The following PCDH9 variants were observed in gnomAD, a reference collection of about 807,000 sequenced individuals.
PCDH9 encodes protocadherin 9.
A neutral mutation model predicts 70.6 loss-of-function variants in PCDH9; 24 were observed. That is an observed-to-expected ratio of 0.34 (90% CI 0.25 to 0.48). The LOEUF is 0.48. Among genes scored for constraint, PCDH9 ranks in the 20% least tolerant of loss-of-function variants. PCDH9 has a pLI of 0.99. For synonymous variants in PCDH9, 562 were observed against 558.5 expected (o/e 1.01, Z -0.09); for missense variants, 1,281 against 1,503.6 (o/e 0.85, Z 2.45).
At chr13:67,215,027 G>T (rs1387389633) in intron 2 of PCDH9, 1 of 140,938 alleles carries the variant, frequency 7.1e-6, no homozygotes, top group Non-Finnish European at 1.5e-5. Flanking sequence ...CACCCATTTT[G>T]CAGACAAGGA....
chr13:66,726,305 A>G (rs79906420), intron 3 of PCDH9, among the ~76,000 whole-genome samples: 2,575 of 152,292 alleles, frequency 0.017, 79 homozygotes, highest in African/African-American at 0.059. Flanking sequence ...AGGAAGCAGC[A>G]TTGAAGACAA....
chr13:66,713,985 G>A (rs973072463), intron 3 of PCDH9, among the ~76,000 whole-genome samples: 1 of 151,864 alleles, frequency 6.6e-6, no homozygotes, highest in East Asian at 1.9e-4. Flanking sequence ...GTGAGTGATT[G>A]GCAAATTGGT....
intron 4 of PCDH9, among the ~76,000 whole-genome samples, chr13:66,389,104 T>C (rs1043186873): frequency 2.0e-5 from 3 of 152,178 alleles, no homozygotes; most frequent in Non-Finnish European, 4.4e-5. Context: ...CCAAGAATCA[T>C]GCACAAAGTA....
At chr13:67,120,029 C>T (rs889973581) in intron 2 of PCDH9, among the ~76,000 whole-genome samples, 1 of 151,868 alleles carries the variant, frequency 6.6e-6, no homozygotes, top group East Asian at 1.9e-4. Flanking sequence ...TAAAACATCA[C>T]TTCTTTAATC....
In PCDH9 at chr13:67,199,520, A is replaced by G. The variant is rs536292263; in HGVS notation, c.3036+25885T>C. ...ACGAACATTATTTGGATAATGTATC[A>G]ATGTGTTTTGACAAAATATGTACTA... is the stretch of plus-strand genomic sequence containing the variant. On this transcript the variant is annotated intron_variant, in intron 2 of 4. Transcript: ENST00000377865. Among the ~76,000 whole-genome samples the G allele has an allele frequency of 1.1e-4, 17 of 152,106 alleles. No individual in the cohort carries two copies. In the East Asian group the frequency reaches 2.5e-3, roughly 22 times the overall value.
intron 3 of PCDH9, among the ~76,000 whole-genome samples, chr13:66,818,890 C>T (rs899758835): frequency 6.6e-6 from 1 of 151,074 alleles, no homozygotes; most frequent in African/African-American, 2.4e-5. Context: ...GCCGAGATCG[C>T]GCCACTGCAC....
chr13:66,783,483 A>G (rs1164650251), intron 3 of PCDH9, among the ~76,000 whole-genome samples: 1 of 152,176 alleles, frequency 6.6e-6, no homozygotes, highest in Non-Finnish European at 1.5e-5. Context: ...GAAGGCAGGT[A>G]TATTCTGAAC....
At chr13:66,396,670 C>T (rs1454877892) in intron 4 of PCDH9, among the ~76,000 whole-genome samples, 1 of 152,168 alleles carries the variant, frequency 6.6e-6, no homozygotes, top group African/African-American at 2.4e-5. Flanking sequence ...TAGTGAAAGT[C>T]TCAGTTTAAC....
chr13:67,094,228 A>G (rs2086276289), intron 2 of PCDH9, among the ~76,000 whole-genome samples: 1 of 152,172 alleles, frequency 6.6e-6, no homozygotes, highest in African/African-American at 2.4e-5. Context: ...TAGTGAGAAT[A>G]CTTGGTGGAC....
At chr13:66,415,865 G>C (rs985232735) in intron 4 of PCDH9, among the ~76,000 whole-genome samples, 2 of 151,978 alleles carry the variant, frequency 1.3e-5, no homozygotes, top group African/African-American at 4.8e-5. Flanking sequence ...TGTACTAGGA[G>C]GTTGCAAAGT....
chr13:66,377,880 C>T (rs112452866), intron 4 of PCDH9, among the ~76,000 whole-genome samples: 1,584 of 152,218 alleles, frequency 0.01, 31 homozygotes, highest in African/African-American at 0.036. Context: ...CTGGTATTCT[C>T]TTTTCTTTTC....
chr13:67,173,663 C>G (rs1044647395), intron 2 of PCDH9, among the ~76,000 whole-genome samples: 1 of 152,120 alleles, frequency 6.6e-6, no homozygotes, highest in Non-Finnish European at 1.5e-5. Flanking sequence ...AAGAAAATGA[C>G]CCTGGAAAAT....
chr13:66,711,891 A>G (rs1324013184), intron 3 of PCDH9, among the ~76,000 whole-genome samples: 5 of 152,140 alleles, frequency 3.3e-5, no homozygotes, highest in Admixed American at 2.6e-4. Context: ...CTGAGATTCA[A>G]TTCAAACTCA....
intron 4 of PCDH9, among the ~76,000 whole-genome samples, chr13:66,622,675 C>T (rs1047669503): frequency 1.9e-4 from 29 of 152,218 alleles, no homozygotes; most frequent in Admixed American, 6.5e-4. Context: ...GGATTGTAAA[C>T]GCACCAATCA....
chr13:66,510,105 T>C (rs891316951), intron 4 of PCDH9, among the ~76,000 whole-genome samples: 9 of 152,118 alleles, frequency 5.9e-5, no homozygotes, highest in African/African-American at 2.2e-4. Flanking sequence ...AAATTTCCTT[T>C]CAGGTTTATA....
At chr13:66,990,142 T>C (rs1012984202) in intron 2 of PCDH9, among the ~76,000 whole-genome samples, 3 of 151,872 alleles carry the variant, frequency 2.0e-5, no homozygotes, top group Admixed American at 6.6e-5. Flanking sequence ...TTAATAATAG[T>C]CCAGTGAATG....
At chr13:67,110,267 T>C (rs953340165) in intron 2 of PCDH9, among the ~76,000 whole-genome samples, 1 of 151,818 alleles carries the variant, frequency 6.6e-6, no homozygotes, top group Non-Finnish European at 1.5e-5. Flanking sequence ...CTGACACCTG[T>C]AATCCCAGCA....
At chr13:66,967,831 G>C (rs1271582417) in intron 2 of PCDH9, among the ~76,000 whole-genome samples, 2 of 151,960 alleles carry the variant, frequency 1.3e-5, no homozygotes, top group Non-Finnish European at 2.9e-5. Flanking sequence ...TTGAATCCTA[G>C]AAAATGATGC....
chr13:66,807,177 A>G (rs775715880), intron 3 of PCDH9, among the ~76,000 whole-genome samples: 7 of 152,178 alleles, frequency 4.6e-5, no homozygotes, highest in African/African-American at 1.7e-4. Flanking sequence ...AATATACTAC[A>G]ACTTACAGGA....
Sources: gnomAD v4.1 joint callset for allele counts (sites outside exome capture counted in the v4.1 genomes callset) on GRCh38, gnomAD v4.1.1 for gene constraint, MANE v1.5 for transcripts, NCBI Gene and HGNC (gene_info 2026-07-23, HGNC 2026-07-21) for gene names.